The following ANKRD13A variants were observed in gnomAD, a reference collection of about 807,000 sequenced individuals.
ANKRD13A encodes ankyrin repeat domain 13A.
Under a neutral mutation model 81.3 loss-of-function variants are expected in ANKRD13A, and 48 were observed. The observed-to-expected ratio is 0.59, with a 90% confidence interval of 0.47 to 0.75. ANKRD13A has a LOEUF of 0.75. ANKRD13A is among the 30% of genes least tolerant of loss of function. The pLI, the probability that ANKRD13A is intolerant of heterozygous loss-of-function variation, is 0.00. For missense variants in ANKRD13A, 612 were observed against 734.0 expected, an observed-to-expected ratio of 0.83 and a Z score of 1.92; for synonymous variants, 230 against 270.1, an observed-to-expected ratio of 0.85 and a Z score of 1.45.
chr12:110,030,410 G>T (rs896701771), intron 11 of ANKRD13A, among the ~76,000 whole-genome samples: 4 of 152,060 alleles, frequency 2.6e-5, no homozygotes, highest in African/African-American at 9.7e-5. Flanking sequence ...CAGGTGATCA[G>T]CTCGCCTTGG....
intron 6 of ANKRD13A, chr12:110,021,200 C>T: frequency 2.2e-6 from 1 of 455,338 alleles, no homozygotes; most frequent in South Asian, 1.6e-5. Flanking sequence ...TTTAATGGTG[C>T]TCAGAATTAA....
rs1891284320 is a variant in ANKRD13A, at chr12:110,025,766, G to T, written c.826G>T (p.Val276Leu). The T allele has an allele frequency of 1.2e-6, 2 of 1,613,560 alleles. No individual in the cohort carries two copies. Among genetic ancestry groups the T allele is most frequent in the Non-Finnish European group, 1.7e-6 (2 of 1,179,820 alleles). Residue 276 changes from valine (V) to leucine (L), a missense_variant, in exon 8 of 15, where the codon GTG becomes TTG. Physicochemically the swap from Val to Leu is conservative, Grantham distance 32. Transcript: ENST00000261739. Reference protein sequence around the residue: ...AKVYTVNNVNVITKIRTEHLT... With the variant: ...AKVYTVNNVNLITKIRTEHLT... ...GGTTTACACAGTAAACAATGTGAATGTGATCACCAAAATACGCACAGAACA... is the reference window on the plus strand; with the variant it reads ...GGTTTACACAGTAAACAATGTGAATTTGATCACCAAAATACGCACAGAACA...
rs1467145658 is a variant in ANKRD13A at position 110,013,111 on chromosome 12, C to A, written c.230-14C>A. 1 of 1,612,010 alleles carries A rather than the reference C, an allele frequency of 6.2e-7. No individual in the cohort carries two copies. ...GAAAGTATGAGAATTAAATTTCACC[C>A]TTTTGTTTTCTAGTTTTACATGAGG... On this transcript the variant is annotated splice_polypyrimidine_tract_variant and intron_variant, in intron 2 of 14. Transcript: ENST00000261739.
At chr12:110,007,370 G>T (rs181116413) in intron 1 of ANKRD13A, among the ~76,000 whole-genome samples, 43 of 152,010 alleles carry the variant, frequency 2.8e-4, no homozygotes, top group African/African-American at 9.9e-4. Context: ...TTAATTTTTT[G>T]AGGTTTTTTT....
At chr12:110,021,260 G>T (rs1891062323) in intron 6 of ANKRD13A, 1 of 381,592 alleles carries the variant, frequency 2.6e-6, no homozygotes, top group Non-Finnish European at 5.4e-6. Flanking sequence ...CCTTAGGATT[G>T]ATACCAGCTA....
intron 12 of ANKRD13A, 94 bp downstream of exon 12, chr12:110,030,852 TG>T: frequency 1.5e-6 from 1 of 646,426 alleles, no homozygotes; most frequent in Non-Finnish European, 2.3e-6. Flanking sequence ...CCCAGCACTT[TG>T]GGAGGCCGAG....
Position 110,024,144 on chromosome 12 carries a change from A to G in ANKRD13A, c.801+32A>G, listed in dbSNP as rs780832981. 4.5e-6 allele frequency: 7 copies of G among 1,562,492 alleles called. No individual in the cohort carries two copies. In the East Asian group the frequency reaches 1.3e-4, roughly 30 times the overall value. ...GGAAACTCTTAAAATAAGATTTAAT[A>G]TAGCTATTTAGCTTCTATGCAAATG... On this transcript the variant is annotated intron_variant, in intron 7 of 14. Transcript: ENST00000261739.
At chr12:110,016,658 C>A (rs957565641) in intron 4 of ANKRD13A, among the ~76,000 whole-genome samples, 1 of 152,164 alleles carries the variant, frequency 6.6e-6, no homozygotes, top group Non-Finnish European at 1.5e-5. Flanking sequence ...ACTTTTCCTC[C>A]CAGGCATTCA....
intron 11 of ANKRD13A, among the ~76,000 whole-genome samples, chr12:110,030,318 C>A (rs371029171): frequency 6.6e-6 from 1 of 152,098 alleles, no homozygotes; most frequent in East Asian, 1.9e-4. Context: ...AGGCATGCAT[C>A]ACCACGCCCA....
intron 11 of ANKRD13A, among the ~76,000 whole-genome samples, chr12:110,030,432 G>T (rs1485658088): frequency 1.3e-5 from 2 of 152,090 alleles, no homozygotes; most frequent in Non-Finnish European, 2.9e-5. Context: ...CTCCCAAAGT[G>T]CTGGGATTAC....
chr12:110,005,184 C>T (rs1400372390), intron 1 of ANKRD13A, among the ~76,000 whole-genome samples: 1 of 152,084 alleles, frequency 6.6e-6, no homozygotes, highest in Non-Finnish European at 1.5e-5. Flanking sequence ...CAGGGTCTCA[C>T]TCTCTTGCCT....
Position 110,036,342 on chromosome 12 carries a change from G to C in ANKRD13A, c.1577+14G>C, listed in dbSNP as rs79504243. ...CCAGTATGAGAGGTGATTGACTGAC[G>C]TGACTCTGGAATAAACCAGGGTGAA... On this transcript the variant is annotated intron_variant, in intron 14 of 14. Coordinates refer to ENST00000261739, the MANE Select transcript of ANKRD13A (RefSeq NM_033121.2). The surrounding 1 kb of genome is among the most constrained non-coding windows in gnomAD (Gnocchi z 4.6). 5.6e-6 allele frequency: 9 copies of C among 1,613,382 alleles called. No individual in the cohort carries two copies. The East Asian group carries it at 1.8e-4, about 32-fold the overall frequency.
chr12:110,028,695 CT>C, intron 10 of ANKRD13A, 53 bp downstream of exon 10: 1 of 1,610,186 alleles, frequency 6.2e-7, no homozygotes, highest in Non-Finnish European at 8.5e-7. Flanking sequence ...AGAAATTGTG[CT>C]GTTTTATGGT....
chr12:110,003,909 A>C (rs938050151), intron 1 of ANKRD13A, among the ~76,000 whole-genome samples: 1 of 152,170 alleles, frequency 6.6e-6, no homozygotes, highest in African/African-American at 2.4e-5. Context: ...CTGTACTCCC[A>C]GCTCTTTGGG....
chr12:110,019,304 A>G lies in ANKRD13A; in HGVS notation c.710A>G (p.Asp237Gly). 6 of 1,607,744 alleles carry G rather than the reference A, an allele frequency of 3.7e-6. No homozygotes were observed. The highest frequency in any genetic ancestry group is 5.1e-6 in the Non-Finnish European group (6 of 1,177,242). ...AGCCCTGTCATTAACACCAGCCTCGATACTAAAAATATTGCTTTTGAAAGG... is the reference window on the plus strand; with the variant it reads ...AGCCCTGTCATTAACACCAGCCTCGGTACTAAAAATATTGCTTTTGAAAGG... ...LTSPVINTSLDTKNIAFERTK... is the reference protein window; with the variant it reads ...LTSPVINTSLGTKNIAFERTK... Residue 237 changes from aspartate to glycine, a missense_variant, in exon 6 of 15, where the codon GAT becomes GGT. By Grantham distance (94) the Asp-to-Gly change is moderately conservative. Coordinates refer to ENST00000261739, the MANE Select transcript of ANKRD13A (RefSeq NM_033121.2).
At chr12:110,010,073 G>C (rs957047085) in intron 1 of ANKRD13A, among the ~76,000 whole-genome samples, 1 of 152,120 alleles carries the variant, frequency 6.6e-6, no homozygotes, top group East Asian at 1.9e-4. Context: ...CACCATTTTG[G>C]TCAAGTTGGT....
intron 12 of ANKRD13A, among the ~76,000 whole-genome samples, chr12:110,031,611 A>G (rs868094686): frequency 5.3e-5 from 8 of 152,170 alleles, no homozygotes; most frequent in Middle Eastern, 3.2e-3. Context: ...TCGGCCTCCC[A>G]AAGTGCTAGT....
At chr12:110,028,009 T>A (rs1170433142) in intron 9 of ANKRD13A, 3 of 509,488 alleles carry the variant, frequency 5.9e-6, no homozygotes, top group Middle Eastern at 5.0e-4. Flanking sequence ...TTATCCATTA[T>A]AAACGAGGGG....
At chr12:110,030,265 C>G (rs925058708) in intron 11 of ANKRD13A, among the ~76,000 whole-genome samples, 2 of 151,746 alleles carry the variant, frequency 1.3e-5, no homozygotes, top group African/African-American at 4.8e-5. Context: ...CTCCTGGGTT[C>G]AAGCGATTTT....
Sources: allele counts gnomAD v4.1 joint callset (sites outside exome capture counted in the v4.1 genomes callset), GRCh38; gene constraint gnomAD v4.1.1; non-coding constraint Gnocchi (gnomAD v3.1); transcripts MANE v1.5; gene names NCBI Gene and HGNC (gene_info 2026-07-23, HGNC 2026-07-21).